The following ELAVL4 variants were observed in gnomAD, a reference collection of about 807,000 sequenced individuals.
ELAVL4 encodes the protein ELAV like RNA binding protein 4.
Under a neutral mutation model 35.6 loss-of-function variants are expected in ELAVL4, and 1 was observed. That is an observed-to-expected ratio of 0.03 (90% CI 0.01 to 0.13). The LOEUF is 0.13. Ranked by LOEUF, ELAVL4 falls within the 10% of genes least tolerant of loss-of-function variation. The pLI, the probability that ELAVL4 is intolerant of heterozygous loss-of-function variation, is 1.00. For missense variants in ELAVL4, 267 were observed against 464.9 expected, an observed-to-expected ratio of 0.57 and a Z score of 3.91; for synonymous variants, 156 against 171.0, an observed-to-expected ratio of 0.91 and a Z score of 0.69.
At chr1:50,135,709 C>A (rs1022493405) in intron 1 of ELAVL4, among the ~76,000 whole-genome samples, 1 of 152,146 alleles carries the variant, frequency 6.6e-6, no homozygotes, top group Admixed American at 6.6e-5. Context: ...TGTGCCTCTG[C>A]CCAAAGGTAT....
At chr1:50,111,279 T>A (rs957951092) in intron 1 of ELAVL4, among the ~76,000 whole-genome samples, 15 of 151,154 alleles carry the variant, frequency 9.9e-5, no homozygotes, top group Admixed American at 6.6e-5. Context: ...TGGTGTGAAA[T>A]TGTACATGCG....
At chr1:50,054,470 T>C (rs1345806546) in intron 1 of ELAVL4, among the ~76,000 whole-genome samples, 4 of 152,162 alleles carry the variant, frequency 2.6e-5, no homozygotes, top group Non-Finnish European at 4.4e-5. Context: ...TTGGAACTTT[T>C]AACCAGAAAG....
chr1:50,116,466 CG>C (rs1667974196), intron 1 of ELAVL4, among the ~76,000 whole-genome samples: 2 of 151,290 alleles, frequency 1.3e-5, no homozygotes. Context: ...CTGGGAGCCC[CG>C]GTGTGCCGTG....
upstream of ELAVL4, among the ~76,000 whole-genome samples, chr1:50,101,922 G>T (rs1174034488): frequency 6.6e-6 from 1 of 152,124 alleles, no homozygotes; most frequent in Non-Finnish European, 1.5e-5. Flanking sequence ...TGTATGTCAA[G>T]TGCCTAATAC....
intron 1 of ELAVL4, among the ~76,000 whole-genome samples, chr1:50,129,615 C>G (rs1412037777): frequency 6.6e-6 from 1 of 152,076 alleles, no homozygotes; most frequent in Non-Finnish European, 1.5e-5. Context: ...GCCCCTCCCC[C>G]TTTGCTATGT....
chr1:50,195,396 G>T (rs1433277238), intron 4 of ELAVL4, among the ~76,000 whole-genome samples, 165 bp from the exon 5 acceptor site: 1 of 152,210 alleles, frequency 6.6e-6, no homozygotes, highest in African/African-American at 2.4e-5. Context: ...CAGGAATGCA[G>T]GTAAACGTGT....
intron 1 of ELAVL4, among the ~76,000 whole-genome samples, chr1:50,120,217 A>C (rs1668794813): frequency 6.6e-6 from 1 of 151,960 alleles, no homozygotes; most frequent in Non-Finnish European, 1.5e-5. Flanking sequence ...CAATGTACAA[A>C]AGAGGGAGAC....
intron 1 of ELAVL4, among the ~76,000 whole-genome samples, chr1:50,117,387 C>G (rs1668135362): frequency 6.6e-6 from 1 of 152,144 alleles, no homozygotes; most frequent in African/African-American, 2.4e-5. Flanking sequence ...GAGTCTGCCT[C>G]TGGCCTCCGA....
intron 1 of ELAVL4, among the ~76,000 whole-genome samples, chr1:50,089,800 C>T (rs990985259): frequency 6.6e-6 from 1 of 152,110 alleles, no homozygotes; most frequent in African/African-American, 2.4e-5. Context: ...CTAACCCTTT[C>T]TGTTTTTAGC....
chr1:50,085,834 C>A (rs1266916844), intron 1 of ELAVL4, among the ~76,000 whole-genome samples: 2 of 152,204 alleles, frequency 1.3e-5, no homozygotes, highest in Admixed American at 6.5e-5. Context: ...ACTGTATTTA[C>A]AGCTGCAAGC....
At chr1:50,087,841 G>C (rs910722669) in intron 1 of ELAVL4, among the ~76,000 whole-genome samples, 1 of 152,136 alleles carries the variant, frequency 6.6e-6, no homozygotes, top group Non-Finnish European at 1.5e-5. Context: ...AACCATGCTG[G>C]CACCCTTATC....
chr1:50,084,383 C>CCAAAGGCTCTTTA (rs1287153888), intron 1 of ELAVL4, among the ~76,000 whole-genome samples: 3 of 152,154 alleles, frequency 2.0e-5, no homozygotes, highest in African/African-American at 7.2e-5. Context: ...TCCCCTAGTT[C>CCAAAGGCTCTTTA]CAAAGCCTAT....
intron 1 of ELAVL4, among the ~76,000 whole-genome samples, chr1:50,118,280 G>A (rs1194362488): frequency 6.6e-6 from 1 of 151,996 alleles, no homozygotes; most frequent in Non-Finnish European, 1.5e-5. Context: ...GAACTTTGAA[G>A]TTCTGTTTCT....
chr1:50,197,386 C>T (rs1368298208), intron 5 of ELAVL4, 43 bp from the exon 6 acceptor site: 2 of 1,548,854 alleles, frequency 1.3e-6, no homozygotes, highest in East Asian at 2.4e-5. Context: ...GCGATCTTGC[C>T]ATCTGTGAGG....
At chr1:50,199,714 AAAAGAAAG>A (rs1024636302) in intron 6 of ELAVL4, among the ~76,000 whole-genome samples, 6 of 151,844 alleles carry the variant, frequency 4.0e-5, no homozygotes, top group Non-Finnish European at 7.4e-5. Context: ...TCTCAAAAAA[AAAAGAAAG>A]AAAGAAAGAA....
intron 3 of ELAVL4, among the ~76,000 whole-genome samples, chr1:50,185,679 T>C (rs1209092876): frequency 1.3e-5 from 2 of 152,148 alleles, no homozygotes; most frequent in Non-Finnish European, 2.9e-5. Context: ...AGGATGAAGA[T>C]GATGGTGAAT....
intron 1 of ELAVL4, among the ~76,000 whole-genome samples, chr1:50,058,336 G>A (rs1663785934): frequency 2.0e-5 from 3 of 152,176 alleles, no homozygotes; most frequent in Admixed American, 2.0e-4. Flanking sequence ...ATGTGAGATG[G>A]ATTGACATTC....
intron 1 of ELAVL4, among the ~76,000 whole-genome samples, chr1:50,053,207 T>C (rs1663480969): frequency 6.6e-6 from 1 of 152,190 alleles, no homozygotes; most frequent in Non-Finnish European, 1.5e-5. Context: ...CAAGTTATAG[T>C]TGGGGTGAGT....
chr1:50,080,927 A>G (rs1664980349), intron 1 of ELAVL4, among the ~76,000 whole-genome samples: 1 of 152,236 alleles, frequency 6.6e-6, no homozygotes, highest in Non-Finnish European at 1.5e-5. Context: ...TAAAACTTTC[A>G]TCTTGCAGAG....
Sources: gnomAD v4.1 joint callset for allele counts (sites outside exome capture counted in the v4.1 genomes callset) on GRCh38, gnomAD v4.1.1 for gene constraint, MANE v1.5 for transcripts, NCBI Gene and HGNC (gene_info 2026-07-23, HGNC 2026-07-21) for gene names.